Variants in RHBDD1 observed in about 807,000 individuals in gnomAD.
RHBDD1 encodes the protein rhomboid domain containing 1, also known as rhomboid-related protein 4.
RHBDD1 carries 38 observed loss-of-function variants against 36.3 expected under a neutral mutation model. The observed-to-expected ratio is 1.05, with a 90% CI of 0.81 to 1.37. RHBDD1 has a LOEUF of 1.37. Ranked by LOEUF, RHBDD1 falls within the 40% of genes most tolerant of loss-of-function variation. The pLI, the probability that RHBDD1 is intolerant of heterozygous loss-of-function variation, is 0.00. For synonymous variants in RHBDD1, 151 were observed against 136.5 expected (o/e 1.11, Z -0.74); for missense variants, 393 against 377.6 (o/e 1.04, Z -0.34).
chr2:226,842,969 C>T (rs1467316541), intron 3 of RHBDD1, among the ~76,000 whole-genome samples: 2 of 152,134 alleles, frequency 1.3e-5, no homozygotes, highest in Admixed American at 6.5e-5. Context: ...TTGTAGTTCT[C>T]CTTGAAGAGG....
At chr2:226,975,969 T>G (rs1437501472) in intron 8 of RHBDD1, among the ~76,000 whole-genome samples, 1 of 151,966 alleles carries the variant, frequency 6.6e-6, no homozygotes, top group African/African-American at 2.4e-5. Context: ...TGGGGAACAG[T>G]CACACTCATG....
the RHBDD1 span, among the ~76,000 whole-genome samples, chr2:226,805,649 T>C: frequency 6.6e-6 from 1 of 152,260 alleles, no homozygotes; most frequent in Non-Finnish European, 1.5e-5. Context: ...TGCAGTGCAC[T>C]CTAAACTTTC....
chr2:226,940,576 A>G (rs2149154078), intron 8 of RHBDD1, among the ~76,000 whole-genome samples: 1 of 152,310 alleles, frequency 6.6e-6, no homozygotes, highest in East Asian at 1.9e-4. Context: ...GCCCACAATT[A>G]TATATGATTA....
chr2:226,884,028 T>C (rs952207170), intron 5 of RHBDD1, among the ~76,000 whole-genome samples: 1 of 152,214 alleles, frequency 6.6e-6, no homozygotes, highest in Non-Finnish European at 1.5e-5. Flanking sequence ...GGAATTTTTT[T>C]AGGAGACACT....
At chr2:226,907,153 A>G (rs1948123301) in intron 6 of RHBDD1, 1 of 513,412 alleles carries the variant, frequency 1.9e-6, no homozygotes, top group Non-Finnish European at 3.5e-6. Flanking sequence ...CTACCCGCAG[A>G]AAACCACGAT....
At chr2:226,834,955 T>C (rs1940845733), upstream of RHBDD1, among the ~76,000 whole-genome samples, 1 of 152,220 alleles carries the variant, frequency 6.6e-6, no homozygotes, top group Non-Finnish European at 1.5e-5. Flanking sequence ...TTTGTATTTT[T>C]AGTAGAGACA....
At chr2:226,945,213 G>C (rs1950900187) in intron 8 of RHBDD1, among the ~76,000 whole-genome samples, 1 of 151,164 alleles carries the variant, frequency 6.6e-6, no homozygotes, top group Admixed American at 6.6e-5. Flanking sequence ...AGAATGTGCA[G>C]GTTTGTTACA....
chr2:226,909,324 G>A (rs1948345058), intron 7 of RHBDD1, among the ~76,000 whole-genome samples: 1 of 152,156 alleles, frequency 6.6e-6, no homozygotes, highest in South Asian at 2.1e-4. Flanking sequence ...GTGACTTAAT[G>A]AGGAAGAATG....
At chr2:226,861,850 A>G (rs1943884656) in intron 3 of RHBDD1, among the ~76,000 whole-genome samples, 1 of 152,234 alleles carries the variant, frequency 6.6e-6, no homozygotes, top group African/African-American at 2.4e-5. Context: ...CATTTATCCA[A>G]AGTTATGTGG....
intron 8 of RHBDD1, among the ~76,000 whole-genome samples, chr2:226,960,272 G>A (rs983984172): frequency 1.3e-5 from 2 of 152,164 alleles, no homozygotes; most frequent in Non-Finnish European, 2.9e-5. Context: ...CAATCAAGTC[G>A]ATGGTAGTGC....
chr2:226,897,986 CAA>C (rs1217354115), intron 5 of RHBDD1, among the ~76,000 whole-genome samples: 6 of 148,992 alleles, frequency 4.0e-5, no homozygotes, highest in Middle Eastern at 3.5e-3. Context: ...TCTCAAAAAA[CAA>C]AACAACAACA....
intron 8 of RHBDD1, among the ~76,000 whole-genome samples, chr2:226,943,759 AC>A (rs1950805963): frequency 6.6e-6 from 1 of 152,262 alleles, no homozygotes; most frequent in South Asian, 2.1e-4. Flanking sequence ...TCCCTGACTT[AC>A]ATAACGCAGG....
At position 226,886,487 on chromosome 2, in the gene RHBDD1, C is replaced by T. The variant is rs527363697; in HGVS notation, c.566+19169C>T. 1.2e-4 allele frequency among the ~76,000 whole-genome samples: 18 copies of T among 152,250 alleles called. No homozygotes were observed. In the East Asian group the frequency reaches 2.5e-3, roughly 21 times the overall value. On this transcript the variant is annotated intron_variant, in intron 5 of 8. Transcript: ENST00000392062. ...ACGGAGCATGTAGAAGACCTGAAAA[C>T]GCGGCTGAGCAACTGGAGTAGGACA...
At chr2:226,822,820 G>A in the RHBDD1 span, among the ~76,000 whole-genome samples, 2 of 151,920 alleles carry the variant, frequency 1.3e-5, no homozygotes, top group African/African-American at 4.8e-5. Context: ...AATGAGTTTA[G>A]TGCCCTTCTA....
the RHBDD1 span, among the ~76,000 whole-genome samples, chr2:226,826,060 A>G: frequency 6.6e-6 from 1 of 152,212 alleles, no homozygotes; most frequent in South Asian, 2.1e-4. Context: ...GAGTGATAAA[A>G]TTTTAAAATC....
chr2:226,910,509 A>G (rs1948446133), intron 7 of RHBDD1, among the ~76,000 whole-genome samples: 1 of 152,088 alleles, frequency 6.6e-6, no homozygotes, highest in African/African-American at 2.4e-5. Context: ...AAAGAACCGC[A>G]TGAATATTTA....
intron 8 of RHBDD1, among the ~76,000 whole-genome samples, chr2:226,981,268 T>C (rs1324368156): frequency 6.6e-6 from 1 of 152,038 alleles, no homozygotes; most frequent in Non-Finnish European, 1.5e-5. Context: ...CTAATGTAAA[T>C]GCCGAGTTGA....
chr2:226,956,942 C>T (rs746445940), intron 8 of RHBDD1, among the ~76,000 whole-genome samples: 2 of 152,210 alleles, frequency 1.3e-5, no homozygotes, highest in Non-Finnish European at 1.5e-5. Context: ...TCCACACCTG[C>T]TTCTGTGCTC....
intron 8 of RHBDD1, among the ~76,000 whole-genome samples, chr2:226,915,472 C>T (rs1249152701): frequency 1.3e-5 from 2 of 152,048 alleles, no homozygotes; most frequent in Non-Finnish European, 2.9e-5. Flanking sequence ...GGTATAAATG[C>T]CAGTAGAGCT....
Sources: gnomAD v4.1 joint callset for allele counts (sites outside exome capture counted in the v4.1 genomes callset) on GRCh38, gnomAD v4.1.1 for gene constraint, MANE v1.5 for transcripts, NCBI Gene and HGNC (gene_info 2026-07-23, HGNC 2026-07-21) for gene names.